The following PRKN variants were observed in gnomAD, a reference collection of about 807,000 sequenced individuals.
PRKN encodes the protein E3 ubiquitin-protein ligase parkin.
A neutral mutation model predicts 59.5 loss-of-function variants in PRKN; 56 were observed. The observed-to-expected ratio is 0.94, with a 90% CI of 0.76 to 1.18. The LOEUF is 1.18. Ranked by LOEUF, PRKN falls within the 50% of genes most tolerant of loss-of-function variation. The pLI, the probability that PRKN is intolerant of heterozygous loss-of-function variation, is 0.00. For missense variants in PRKN, 657 were observed against 596.4 expected, an observed-to-expected ratio of 1.10 and a Z score of -1.06; for synonymous variants, 250 against 222.1, an observed-to-expected ratio of 1.13 and a Z score of -1.12.
intron 1 of PRKN, among the ~76,000 whole-genome samples, chr6:162,468,999 A>G (rs947724853): frequency 6.6e-6 from 1 of 152,170 alleles, no homozygotes; most frequent in Non-Finnish European, 1.5e-5. Context: ...GGTCCTACCA[A>G]TGAATCCAAA....
At chr6:162,399,083 G>A (rs753006047) in intron 2 of PRKN, among the ~76,000 whole-genome samples, 31 of 152,214 alleles carry the variant, frequency 2.0e-4, no homozygotes, top group Non-Finnish European at 3.7e-4. Flanking sequence ...AAGAGGGGAC[G>A]GAAAAACAGC....
At chr6:161,846,214 T>C (rs1411138958) in intron 6 of PRKN, among the ~76,000 whole-genome samples, 1 of 152,154 alleles carries the variant, frequency 6.6e-6, no homozygotes, top group Non-Finnish European at 1.5e-5. Context: ...AGAAACATAT[T>C]TCTTCCAATG....
At chr6:161,570,208 T>A (rs1583241494) in intron 7 of PRKN, among the ~76,000 whole-genome samples, 1 of 135,688 alleles carries the variant, frequency 7.4e-6, no homozygotes, top group East Asian at 2.0e-4. Context: ...ATGTATAAAA[T>A]ATTATATAAT....
chr6:161,537,767 C>G (rs975959984), intron 9 of PRKN, among the ~76,000 whole-genome samples: 9 of 152,148 alleles, frequency 5.9e-5, no homozygotes, highest in African/African-American at 2.2e-4. Context: ...TCTTAGGACA[C>G]AATCAAAAGC....
chr6:161,829,909 A>C (rs1583217314), intron 6 of PRKN, among the ~76,000 whole-genome samples: 1 of 151,618 alleles, frequency 6.6e-6, no homozygotes, highest in African/African-American at 2.4e-5. Context: ...TAACATATGT[A>C]GCAAGTGAAC....
intron 2 of PRKN, among the ~76,000 whole-genome samples, chr6:162,339,416 C>T (rs1296986398): frequency 1.4e-5 from 2 of 146,950 alleles, no homozygotes; most frequent in East Asian, 2.1e-4. Context: ...CCCGGCCAGC[C>T]GCCCCGTCCG....
At chr6:162,707,576 A>AT (rs11353881) in intron 1 of PRKN, among the ~76,000 whole-genome samples, 80 of 140,598 alleles carry the variant, frequency 5.7e-4, no homozygotes, top group South Asian at 1.4e-3. Flanking sequence ...CAGCATCACT[A>AT]TTTTTTTTTT....
In PRKN at chr6:161,551,470, G is replaced by A. The variant is rs994362970; in HGVS notation, c.934-2467C>T. On this transcript the variant is annotated intron_variant, in intron 8 of 11. Transcript: ENST00000366898. The surrounding 1 kb of genome is among the most constrained non-coding windows in gnomAD (Gnocchi z 5.2). Reference sequence around the variant, plus strand: ...GAAAACACCAGCAAAGGAGACTAAGGAGCAGCAGCCTATGAGGCAGGTGAA... The same window carrying A: ...GAAAACACCAGCAAAGGAGACTAAGAAGCAGCAGCCTATGAGGCAGGTGAA... 6.6e-6 allele frequency among the ~76,000 whole-genome samples: 1 copy of A among 152,182 alleles called. No individual in the cohort carries two copies. The highest frequency in any genetic ancestry group is 2.4e-5 in the African/African-American group (1 of 41,446).
chr6:162,339,428 G>A (rs1784049996), intron 2 of PRKN, among the ~76,000 whole-genome samples: 1 of 148,048 alleles, frequency 6.8e-6, no homozygotes, highest in Admixed American at 6.6e-5. Flanking sequence ...CCCCGTCCGG[G>A]AGGTGAGGGG....
At chr6:161,987,201 A>G (rs2128256516) in intron 5 of PRKN, among the ~76,000 whole-genome samples, 1 of 152,376 alleles carries the variant, frequency 6.6e-6, no homozygotes, top group South Asian at 2.1e-4. Flanking sequence ...AGAAAATAAA[A>G]TGTAATTTGT....
At chr6:161,904,284 G>GGC (rs1241189528) in intron 6 of PRKN, among the ~76,000 whole-genome samples, 12 of 146,840 alleles carry the variant, frequency 8.2e-5, no homozygotes, top group African/African-American at 3.0e-4. Flanking sequence ...GGCAAGGTGT[G>GGC]TTGGCTTGTT....
At chr6:162,462,846 T>C (rs1489314913) in intron 1 of PRKN, among the ~76,000 whole-genome samples, 4 of 152,076 alleles carry the variant, frequency 2.6e-5, no homozygotes, top group South Asian at 4.1e-4. Flanking sequence ...GTAATCCTAA[T>C]AGTTTTGGAG....
chr6:161,874,859 A>G (rs1319900790), intron 6 of PRKN, among the ~76,000 whole-genome samples: 1 of 113,992 alleles, frequency 8.8e-6, no homozygotes, highest in Non-Finnish European at 1.6e-5. Flanking sequence ...TATAAAATAT[A>G]TATAAAATGT....
At chr6:162,634,145 G>A (rs976399970) in intron 1 of PRKN, among the ~76,000 whole-genome samples, 9 of 152,220 alleles carry the variant, frequency 5.9e-5, no homozygotes, top group Non-Finnish European at 7.4e-5. Flanking sequence ...CCATACCTGG[G>A]CTTTGGCTGT....
Position 161,797,930 on chromosome 6 carries a change from A to G in PRKN, c.735-12022T>C, listed in dbSNP as rs769047653. Among the ~76,000 whole-genome samples, 54 of 152,204 alleles carry G rather than the reference A, an allele frequency of 3.5e-4. 1 individual carries two copies. The highest frequency in any genetic ancestry group is 2.4e-3 in the Admixed American group (37 of 15,284). On this transcript the variant is annotated intron_variant, in intron 6 of 11. Coordinates refer to ENST00000366898, the MANE Select transcript of PRKN (RefSeq NM_004562.3). ...TCAAAATGAATTCAGAGCCAGGCGC[A>G]GTGGCTCATGCCTGTAATCCCAGCA... is the stretch of plus-strand genomic sequence containing the variant.
At chr6:162,183,082 A>G (rs1243853163) in intron 4 of PRKN, among the ~76,000 whole-genome samples, 3 of 152,194 alleles carry the variant, frequency 2.0e-5, no homozygotes, top group Middle Eastern at 3.2e-3. Context: ...TGACAAAATA[A>G]CATTTTCCAT....
At chr6:161,644,179 A>C (rs1783842435) in intron 7 of PRKN, among the ~76,000 whole-genome samples, 2 of 152,158 alleles carry the variant, frequency 1.3e-5, no homozygotes, top group Non-Finnish European at 2.9e-5. Flanking sequence ...GCTTGGAGTC[A>C]GCTAATTAGG....
chr6:162,262,777 C>CA lies in PRKN; in HGVS notation c.172-13dup. On this transcript the variant is annotated splice_polypyrimidine_tract_variant and intron_variant, in intron 2 of 11. Transcript: ENST00000366898. ...TCCAGGTCACAATTCTGTTTGGGAGCAAGGTAAAAAAAAAAAAAAAAAAAA... is the reference window on the plus strand; with the variant it reads ...TCCAGGTCACAATTCTGTTTGGGAGCAAAGGTAAAAAAAAAAAAAAAAAAAA... The CA allele has an allele frequency of 7.4e-7, 1 of 1,358,136 alleles. No homozygotes were observed. Among genetic ancestry groups the CA allele is most frequent in the Non-Finnish European group, 9.6e-7 (1 of 1,036,846 alleles). 84.1% of individuals were successfully genotyped at this position (1,358,136 alleles called of 1,614,324 possible).
At chr6:161,803,212 G>T (rs777802491) in intron 6 of PRKN, among the ~76,000 whole-genome samples, 1 of 152,128 alleles carries the variant, frequency 6.6e-6, no homozygotes. Context: ...AAAGAATGCT[G>T]GTTTTGCCAC....
Sources: gnomAD v4.1 joint callset for allele counts (sites outside exome capture counted in the v4.1 genomes callset) on GRCh38, gnomAD v4.1.1 for gene constraint, Gnocchi (gnomAD v3.1) non-coding constraint, MANE v1.5 for transcripts, NCBI Gene and HGNC (gene_info 2026-07-23, HGNC 2026-07-21) for gene names.